Variants in LOXL3 observed in about 807,000 individuals in gnomAD.
LOXL3 encodes lysyl oxidase homolog 3.
LOXL3 carries 60 observed loss-of-function variants against 91.8 expected under a neutral mutation model. The observed-to-expected ratio is 0.65, with a 90% CI of 0.53 to 0.81. The LOEUF is 0.81. Ranked by LOEUF, LOXL3 falls within the 30% of genes least tolerant of loss-of-function variation. The pLI is 0.00. For missense variants in LOXL3, 874 were observed against 1,000.4 expected, an observed-to-expected ratio of 0.87 and a Z score of 1.70; for synonymous variants, 355 against 387.6, an observed-to-expected ratio of 0.92 and a Z score of 0.99.
At chr2:74,546,398 G>A (rs952453238) in intron 4 of LOXL3, among the ~76,000 whole-genome samples, 2 of 152,086 alleles carry the variant, frequency 1.3e-5, no homozygotes, top group African/African-American at 4.8e-5. Flanking sequence ...CTCCCAGATG[G>A]CCCGCAGGAT....
rs765343566 is a variant in LOXL3 at position 74,536,757 on chromosome 2, C to T, written c.864G>A (p.Ala288=). The T allele has an allele frequency of 3.0e-5, 48 of 1,614,086 alleles. No individual in the cohort carries two copies. The highest frequency in any genetic ancestry group is 6.7e-5 in the East Asian group (3 of 44,892). The stretch of plus-strand genomic sequence containing the variant: ...GTTGCTTCTTCTGGCCACTGGATGC[C>T]GCGTAGACAGGGCCTGGCACACAGC... ...VVSCVPGPVY[A]ASSGQKKQQQ... is the part of the protein sequence containing the mutation. The change falls in exon 5 of 14, where the codon GCG becomes GCA. Residue 288 remains alanine, a synonymous_variant. Transcript: ENST00000264094. The surrounding 1 kb of genome is among the most constrained non-coding windows in gnomAD (Gnocchi z 4.5).
At chr2:74,548,294 T>C (rs1209621005) in intron 4 of LOXL3, among the ~76,000 whole-genome samples, 1 of 152,192 alleles carries the variant, frequency 6.6e-6, no homozygotes, top group Admixed American at 6.5e-5. Context: ...ACAAATGTAA[T>C]AGGTAAACGT....
At position 74,552,385 on chromosome 2, in the gene LOXL3, G is replaced by C. The variant is rs370340732; in HGVS notation, c.250C>G (p.Arg84Gly). ...GTGGCCTCTGTGAAGCCCAGCTCCC[G>C]GCAGAGGATGTGGGCAGCCTGCAGC... The part of the protein sequence containing the change: ...FTLQAAHILC[R>G]ELGFTEATGW... Residue 84 changes from arginine to glycine, a missense_variant, in exon 2 of 14, where the codon CGG becomes GGG. Coordinates refer to ENST00000264094, the MANE Select transcript of LOXL3 (RefSeq NM_032603.5). 6.2e-7 allele frequency: 1 copy of C among 1,612,882 alleles called. No homozygotes were observed. Among genetic ancestry groups the C allele is most frequent in the Admixed American group, 1.7e-5 (1 of 59,988 alleles).
chr2:74,554,690 G>T (rs1677272127), upstream of LOXL3: 2 of 1,538,718 alleles, frequency 1.3e-6, no homozygotes, highest in Non-Finnish European at 1.8e-6. The surrounding 1 kb of genome is among the most constrained non-coding windows in gnomAD (Gnocchi z 4.9). Context: ...CAGGGAACCC[G>T]GCCCCGCCTC....
intron 4 of LOXL3, among the ~76,000 whole-genome samples, chr2:74,538,207 G>A (rs529309950): frequency 1.2e-4 from 18 of 152,274 alleles, no homozygotes; most frequent in East Asian, 5.8e-4. Flanking sequence ...CCTCATTCCC[G>A]TTGTCTACAA....
chr2:74,552,209 C>G (rs1677057765), intron 2 of LOXL3, 113 bp downstream of exon 2: 2 of 943,702 alleles, frequency 2.1e-6, no homozygotes, highest in Non-Finnish European at 3.2e-6. Flanking sequence ...TTACTCAATG[C>G]TGGCTGTTCT....
chr2:74,540,664 CTT>C (rs562377307), intron 4 of LOXL3, among the ~76,000 whole-genome samples: 24 of 138,602 alleles, frequency 1.7e-4, no homozygotes, highest in Non-Finnish European at 3.2e-4. Flanking sequence ...ATAATTTTTC[CTT>C]TTTTTTTTTT....
intron 4 of LOXL3, among the ~76,000 whole-genome samples, chr2:74,543,029 A>G (rs1245023602): frequency 6.6e-6 from 1 of 152,196 alleles, no homozygotes; most frequent in Non-Finnish European, 1.5e-5. Flanking sequence ...TCTTCATCTT[A>G]ATGACCTCTC....
At chr2:74,552,965 C>T in intron 1 of LOXL3, 1 of 298,030 alleles carries the variant, frequency 3.4e-6, no homozygotes, top group Non-Finnish European at 6.2e-6. Context: ...GAGGAAGACC[C>T]AGACAGACAG....
At chr2:74,548,334 C>G (rs1434345638) in intron 4 of LOXL3, among the ~76,000 whole-genome samples, 1 of 152,190 alleles carries the variant, frequency 6.6e-6, no homozygotes, top group Non-Finnish European at 1.5e-5. Context: ...AAAGGCTGCT[C>G]TATCAGTAGG....
At chr2:74,550,448 C>T in intron 2 of LOXL3, 100 bp from the exon 3 acceptor site, 1 of 1,244,636 alleles carries the variant, frequency 8.0e-7, no homozygotes, top group South Asian at 1.4e-5. Flanking sequence ...TCCCACTTGG[C>T]CATGATGATC....
In LOXL3 at chr2:74,536,593, AC is replaced by A; in HGVS notation, c.912+115del. 3 of 1,448,040 alleles carry A rather than the reference AC, an allele frequency of 2.1e-6. No individual in the cohort carries two copies. Among genetic ancestry groups the A allele is most frequent in the East Asian group, 2.3e-5 (1 of 43,304 alleles). The allele number at this position is 1,448,040 out of a possible 1,614,324, so 89.7% of individuals were successfully genotyped here. A position where few individuals can be genotyped will look rare whatever the true frequency, so the allele number is the denominator to read the frequency against. Reference sequence around the variant, plus strand: ...GTGGGTGGTATCAGGTCTGTGGCCCACCCCCTGGAAGGCTCCTCTCTGTCCT... The same window carrying A: ...GTGGGTGGTATCAGGTCTGTGGCCCACCCCTGGAAGGCTCCTCTCTGTCCT... On this transcript the variant is annotated intron_variant, in intron 5 of 13. Coordinates refer to ENST00000264094, the MANE Select transcript of LOXL3 (RefSeq NM_032603.5). The surrounding 1 kb of genome is among the most constrained non-coding windows in gnomAD (Gnocchi z 4.5).
chr2:74,550,287 G>A lies in LOXL3; in HGVS notation c.375C>T (p.Ala125=), dbSNP rs370946124. 6.2e-6 allele frequency: 10 copies of A among 1,614,098 alleles called. No homozygotes were observed. The highest frequency in any genetic ancestry group is 4.2e-6 in the Non-Finnish European group (5 of 1,180,048). ...SGTEQSVTEC[A]SRGWGNSDCT... is the part of the protein sequence containing the mutation. ...AGTCACTGTTCCCCCAGCCCCGGGA[G>A]GCACATTCAGTCACACTCTGCTCGG... Residue 125 remains alanine, a synonymous_variant, in exon 3 of 14, where the codon GCC becomes GCT. Transcript: ENST00000264094.
At chr2:74,546,304 GA>G (rs200465823) in intron 4 of LOXL3, among the ~76,000 whole-genome samples, 1 of 150,164 alleles carries the variant, frequency 6.7e-6, no homozygotes. Context: ...AAGTAGTACT[GA>G]AAAAAAAATG....
At chr2:74,543,899 T>TAAAAAAAAAAAAAAAAAAAAAAA (rs1352260802) in intron 4 of LOXL3, among the ~76,000 whole-genome samples, 2 of 49,320 alleles carry the variant, frequency 4.1e-5, no homozygotes, top group African/African-American at 2.5e-4. Context: ...AGGCTCTGTC[T>TAAAAAAAAAAAAAAAAAAAAAAA]CAAAAAAAAA....
intron 2 of LOXL3, among the ~76,000 whole-genome samples, chr2:74,551,075 A>T (rs1456371142): frequency 6.6e-6 from 1 of 152,134 alleles, no homozygotes. Flanking sequence ...TGGGGCTACA[A>T]GCATGTGCCA....
Position 74,552,408 on chromosome 2 carries a change from A to G in LOXL3, c.227T>C (p.Leu76Pro), listed in dbSNP as rs1677072867. ...CCGGCAGAGGATGTGGGCAGCCTGC[A>G]GCGTGAAGTCATCATCGCAGATGGT... ...WGTICDDDFT[L>P]QAAHILCREL... Residue 76 changes from leucine (L) to proline (P), a missense_variant, in exon 2 of 14, where the codon CTG (leucine) becomes CCG (proline). Leu to Pro is a moderately conservative substitution (Grantham distance 98). Coordinates refer to ENST00000264094, the MANE Select transcript of LOXL3 (RefSeq NM_032603.5). 1 of 1,613,704 alleles carries G rather than the reference A, an allele frequency of 6.2e-7. No individual in the cohort carries two copies. The highest frequency in any genetic ancestry group is 1.1e-5 in the South Asian group (1 of 91,078).
chr2:74,535,372 TC>T lies in LOXL3; in HGVS notation c.1498del (p.Asp500IlefsTer185). On this transcript the variant is annotated frameshift_variant, in exon 9 of 14. Transcript: ENST00000264094. LOFTEE classifies it high-confidence loss of function. The surrounding 1 kb of genome is among the most constrained non-coding windows in gnomAD (Gnocchi z 4.2). The part of the protein sequence containing the change: ...VRCTGTELSL[D>X]QCAHHGTHIT... The stretch of plus-strand genomic sequence containing the variant: ...GTGGGTGCCATGATGGGCACACTGA[TC>T]CAGGGACAGCTCAGTCCCTGTGCAG... 1 of 1,614,060 alleles carries T rather than the reference TC, an allele frequency of 6.2e-7. No individual in the cohort carries two copies. The highest frequency in any genetic ancestry group is 8.5e-7 in the Non-Finnish European group (1 of 1,179,996).
At chr2:74,554,663 A>G (rs907684020), upstream of LOXL3, 2 of 1,274,472 alleles carry the variant, frequency 1.6e-6, no homozygotes. This position sits in a 1 kb window ranked among gnomAD's most constrained non-coding sequence, Gnocchi z 4.9. Flanking sequence ...GGGGCCGGGG[A>G]GGGGCGGAAA....
Sources: allele counts gnomAD v4.1 joint callset (sites outside exome capture counted in the v4.1 genomes callset), GRCh38; gene constraint gnomAD v4.1.1; non-coding constraint Gnocchi (gnomAD v3.1); transcripts MANE v1.5; gene names NCBI Gene and HGNC (gene_info 2026-07-23, HGNC 2026-07-21).